Variants in UBE4B observed in about 807,000 individuals in gnomAD.
UBE4B encodes ubiquitin conjugation factor E4 B.
A neutral mutation model predicts 148.1 loss-of-function variants in UBE4B; 27 were observed. The observed-to-expected ratio is 0.18, with a 90% CI of 0.13 to 0.25. The LOEUF is 0.25. Ranked by LOEUF, UBE4B falls within the 10% of genes least tolerant of loss-of-function variation. The probability of loss-of-function intolerance (pLI) is 1.00; values close to 1 mark genes in which losing one functional copy is unlikely to be tolerated. For synonymous variants in UBE4B, 596 were observed against 619.3 expected, an observed-to-expected ratio of 0.96 and a Z score of 0.56; for missense variants, 1,170 against 1,662.4, an observed-to-expected ratio of 0.70 and a Z score of 5.15.
intron 16 of UBE4B, 64 bp from the exon 17 acceptor site, chr1:10,137,003 C>T (rs1645697893): frequency 9.1e-6 from 14 of 1,545,000 alleles, no homozygotes; most frequent in Non-Finnish European, 1.2e-5. Flanking sequence ...CTTCTGAATT[C>T]AGCTTTTTCT....
At chr1:10,108,610 T>C (rs1358929761) in intron 7 of UBE4B, among the ~76,000 whole-genome samples, 1 of 152,318 alleles carries the variant, frequency 6.6e-6, no homozygotes, top group South Asian at 2.1e-4. Flanking sequence ...AGGCTATAAA[T>C]AGAGACTGCA....
chr1:10,109,375 C>G (rs1247666748), intron 7 of UBE4B, among the ~76,000 whole-genome samples: 1 of 152,066 alleles, frequency 6.6e-6, no homozygotes, highest in African/African-American at 2.4e-5. Context: ...TTTTTGCTGC[C>G]GAGAGTCTGT....
At chr1:10,105,279 C>T (rs1378506302) in intron 5 of UBE4B, among the ~76,000 whole-genome samples, 1 of 152,032 alleles carries the variant, frequency 6.6e-6, no homozygotes, top group Admixed American at 6.6e-5. Flanking sequence ...TATACTTTAC[C>T]CAGTTTCCCC....
chr1:10,061,038 A>C (rs1051929703), intron 1 of UBE4B, among the ~76,000 whole-genome samples: 1 of 152,072 alleles, frequency 6.6e-6, no homozygotes. Flanking sequence ...AAGCCACCGC[A>C]AGAGTTTGTT....
chr1:10,048,770 A>G (rs966380173), intron 1 of UBE4B, among the ~76,000 whole-genome samples: 1 of 152,120 alleles, frequency 6.6e-6, no homozygotes, highest in Non-Finnish European at 1.5e-5. Flanking sequence ...TCAAGAGAGA[A>G]TGGGAGGAGA....
intron 17 of UBE4B, among the ~76,000 whole-genome samples, chr1:10,139,305 C>T (rs1415747398): frequency 4.6e-5 from 7 of 152,110 alleles, no homozygotes; most frequent in East Asian, 1.9e-4. Flanking sequence ...GCAGGAGAGT[C>T]GCTTGAACCC....
chr1:10,055,653 C>T (rs1488197359), intron 1 of UBE4B, among the ~76,000 whole-genome samples: 2 of 152,168 alleles, frequency 1.3e-5, no homozygotes, highest in East Asian at 1.9e-4. Context: ...GGCGCAGTGG[C>T]TCATGCCTGT....
At chr1:10,117,367 G>T (rs761566326) in intron 7 of UBE4B, 92 bp from the exon 8 acceptor site, 33 of 1,548,506 alleles carry the variant, frequency 2.1e-5, no homozygotes, top group Non-Finnish European at 2.9e-5. Context: ...ATGTGTACAG[G>T]GATCCTAACA....
chr1:10,166,726 C>T (rs935669237), intron 23 of UBE4B, among the ~76,000 whole-genome samples: 2 of 152,016 alleles, frequency 1.3e-5, no homozygotes, highest in African/African-American at 4.8e-5. Flanking sequence ...GAGTTCAAGA[C>T]CAGCCTGGCC....
intron 2 of UBE4B, among the ~76,000 whole-genome samples, chr1:10,095,239 CT>C (rs1303757433): frequency 6.6e-6 from 1 of 152,160 alleles, no homozygotes; most frequent in African/African-American, 2.4e-5. Flanking sequence ...AGCTCTGTTA[CT>C]GACCTCATAT....
chr1:10,175,509 G>T lies in UBE4B; in HGVS notation c.3526-3135G>T, dbSNP rs571320117. ...TACTAAAAATACAAAAAATTAGCCA[G>T]GCGTGGTGGCGGGCGCCCGTAGACC... On this transcript the variant is annotated intron_variant, in intron 25 of 27. Coordinates refer to ENST00000343090, the MANE Select transcript of UBE4B (RefSeq NM_001105562.3). Among the ~76,000 whole-genome samples, 43 of 151,398 alleles carry T rather than the reference G, an allele frequency of 2.8e-4. 1 individual carries two copies. The South Asian group carries it at 5.0e-3, about 18-fold the overall frequency.
chr1:10,096,035 GA>G (rs952089601), intron 3 of UBE4B, among the ~76,000 whole-genome samples: 2 of 152,028 alleles, frequency 1.3e-5, no homozygotes, highest in African/African-American at 2.4e-5. Flanking sequence ...CCTCCCAAAG[GA>G]CTGGGATTAC....
intron 1 of UBE4B, among the ~76,000 whole-genome samples, chr1:10,057,004 A>G (rs1644185682): frequency 6.6e-6 from 1 of 150,922 alleles, no homozygotes; most frequent in South Asian, 2.1e-4. Context: ...TTTTTTCTGT[A>G]GAGATGGGGT....
chr1:10,175,599 C>A (rs545024862), intron 25 of UBE4B, among the ~76,000 whole-genome samples: 1 of 151,742 alleles, frequency 6.6e-6, no homozygotes, highest in Non-Finnish European at 1.5e-5. Flanking sequence ...TGCAGTGAGC[C>A]GAGATCGCGC....
chr1:10,145,119 C>G, intron 18 of UBE4B, 80 bp downstream of exon 18: 1 of 1,069,594 alleles, frequency 9.3e-7, no homozygotes, highest in Admixed American at 2.2e-5. Context: ...CTTGAGTGAG[C>G]AGTTTAGTGT....
At chr1:10,136,501 A>AT (rs1491510386) in intron 16 of UBE4B, among the ~76,000 whole-genome samples, 3 of 151,366 alleles carry the variant, frequency 2.0e-5, no homozygotes, top group Non-Finnish European at 4.4e-5. Context: ...AAAAAAAAAA[A>AT]GATTGTGATG....
chr1:10,063,066 G>A lies in UBE4B; in HGVS notation c.25-8962G>A, dbSNP rs186148561. 3.2e-3 allele frequency among the ~76,000 whole-genome samples: 489 copies of A among 151,596 alleles called. 1 individual carries two copies. The highest frequency in any genetic ancestry group is 5.3e-3 in the Non-Finnish European group (363 of 67,922). Reference sequence around the variant, plus strand: ...GGGGATCACCTGAGGTCAGGAATTCGAAACCAGCCTGGCCAACATGGTGAA... The same window carrying A: ...GGGGATCACCTGAGGTCAGGAATTCAAAACCAGCCTGGCCAACATGGTGAA... On this transcript the variant is annotated intron_variant, in intron 1 of 27. Coordinates refer to ENST00000343090, the MANE Select transcript of UBE4B (RefSeq NM_001105562.3).
intron 7 of UBE4B, among the ~76,000 whole-genome samples, chr1:10,114,064 C>CAA (rs34811287): frequency 9.0e-5 from 4 of 44,342 alleles, no homozygotes; most frequent in Admixed American, 2.2e-4. Context: ...GACTCCGTCT[C>CAA]AAAAAAAAAA....
intron 23 of UBE4B, chr1:10,163,455 G>A (rs1015690343): frequency 4.6e-5 from 7 of 152,112 alleles, no homozygotes; most frequent in Admixed American, 3.9e-4. Context: ...GGATCACAAT[G>A]TCAAGAGATC....
Sources: allele counts gnomAD v4.1 joint callset (sites outside exome capture counted in the v4.1 genomes callset), GRCh38; gene constraint gnomAD v4.1.1; transcripts MANE v1.5; gene names NCBI Gene and HGNC (gene_info 2026-07-23, HGNC 2026-07-21).